WDR27: variants seen among roughly 807,000 people sequenced by gnomAD.
WDR27 encodes WD repeat-containing protein 27.
Under a neutral mutation model 114.4 loss-of-function variants are expected in WDR27, and 100 were observed. The ratio of observed to expected loss-of-function variants is 0.87; its 90% CI spans 0.74 to 1.03. WDR27 has a LOEUF of 1.03. Among genes scored for constraint, WDR27 ranks in the 50% least tolerant of loss-of-function variants. The pLI, the probability that WDR27 is intolerant of heterozygous loss-of-function variation, is 0.00. For synonymous variants in WDR27, 449 were observed against 423.1 expected (o/e 1.06, Z -0.75); for missense variants, 1,129 against 1,092.9 (o/e 1.03, Z -0.47).
chr6:169,527,195 C>A (rs1404165966), intron 25 of WDR27, among the ~76,000 whole-genome samples: 2 of 152,158 alleles, frequency 1.3e-5, no homozygotes, highest in Non-Finnish European at 2.9e-5. Flanking sequence ...GTAAATAAAT[C>A]TTCACAACAG....
intron 23 of WDR27, among the ~76,000 whole-genome samples, chr6:169,600,843 G>A (rs533872820): frequency 1.2e-3 from 190 of 152,282 alleles, no homozygotes; most frequent in Non-Finnish European, 2.3e-3. Context: ...TCTGATTGGT[G>A]TACCTGAAAG....
the WDR27 span, among the ~76,000 whole-genome samples, chr6:169,433,825 A>C: frequency 3.9e-5 from 6 of 152,162 alleles, no homozygotes; most frequent in Non-Finnish European, 1.5e-5. Flanking sequence ...TTTGATTTGC[A>C]TTTGTCTAAT....
intron 24 of WDR27, among the ~76,000 whole-genome samples, chr6:169,577,564 GC>G (rs1435845134): frequency 6.6e-6 from 1 of 152,150 alleles, no homozygotes; most frequent in East Asian, 1.9e-4. Context: ...GACGAACTCG[GC>G]CCCGAAGCAG....
chr6:169,628,514 A>G (rs893578359), intron 21 of WDR27, among the ~76,000 whole-genome samples: 9 of 152,186 alleles, frequency 5.9e-5, no homozygotes, highest in Non-Finnish European at 1.3e-4. Context: ...GAGGTAAAAC[A>G]AGTTTATTCA....
At chr6:169,484,445 C>T (rs1340352649) in intron 25 of WDR27, among the ~76,000 whole-genome samples, 1 of 152,026 alleles carries the variant, frequency 6.6e-6, no homozygotes, top group Admixed American at 6.6e-5. Flanking sequence ...GAATAAAATA[C>T]CTAGAAATAC....
rs778030455 is a variant in WDR27, at chr6:169,633,009, A to AG, written c.2160dup (p.Cys721LeufsTer21). 3 of 1,598,994 alleles carry AG rather than the reference A, an allele frequency of 1.9e-6. No homozygotes were observed. The highest frequency in any genetic ancestry group is 2.6e-6 in the Non-Finnish European group (3 of 1,167,722). On this transcript the variant is annotated frameshift_variant, in exon 21 of 26. Coordinates refer to ENST00000448612, the MANE Select transcript of WDR27 (RefSeq NM_182552.5). LOFTEE classifies it high-confidence loss of function. ...GCTTCCGCTATCACCGCTGCACTGCAGCCGGCGTTGAGGTCAAACACTTCC... is the reference window on the plus strand; with the variant it reads ...GCTTCCGCTATCACCGCTGCACTGCAGGCCGGCGTTGAGGTCAAACACTTCC...
intron 6 of WDR27, chr6:169,666,857 C>T: frequency 2.0e-6 from 2 of 985,478 alleles, no homozygotes; most frequent in Non-Finnish European, 2.4e-6. Context: ...TCCCTGGGTA[C>T]TCAGGCATTT....
chr6:169,508,597 G>A (rs1484448163), intron 25 of WDR27, among the ~76,000 whole-genome samples: 1 of 152,114 alleles, frequency 6.6e-6, no homozygotes, highest in South Asian at 2.1e-4. Context: ...TTGCACACAA[G>A]AATATTCTGA....
At chr6:169,484,728 A>T (rs1374066087) in intron 25 of WDR27, among the ~76,000 whole-genome samples, 1 of 152,232 alleles carries the variant, frequency 6.6e-6, no homozygotes, top group Non-Finnish European at 1.5e-5. Context: ...AATCCTAAGC[A>T]AAATGAACAA....
In WDR27 at chr6:169,702,007, G is replaced by T. The variant is rs950495288; in HGVS notation, c.-464C>A. On this transcript the variant is annotated 5_prime_UTR_variant, in exon 1 of 26. Transcript: ENST00000448612. Reference sequence around the variant, plus strand: ...TCGCCGCTATGGTTACTTGCCAGCCGACCCACGCGAGCCGCTATGGTTACT... The same window carrying T: ...TCGCCGCTATGGTTACTTGCCAGCCTACCCACGCGAGCCGCTATGGTTACT... 7 of 425,770 alleles carry T rather than the reference G, an allele frequency of 1.6e-5. 1 individual carries two copies. Among genetic ancestry groups the T allele is most frequent in the Admixed American group, 1.3e-4 (5 of 39,854 alleles). The allele number at this position is 425,770 out of a possible 1,614,324, so 26.4% of individuals were successfully genotyped here. A position where few individuals can be genotyped will look rare whatever the true frequency, so the allele number is the denominator to read the frequency against.
chr6:169,694,529 G>A (rs77725640), intron 1 of WDR27, among the ~76,000 whole-genome samples: 113 of 152,190 alleles, frequency 7.4e-4, no homozygotes, highest in African/African-American at 2.6e-3. Flanking sequence ...ATGTAGCAAC[G>A]GTTCTTACAT....
chr6:169,502,056 G>A (rs1003383037), intron 25 of WDR27, among the ~76,000 whole-genome samples: 1 of 152,184 alleles, frequency 6.6e-6, no homozygotes, highest in East Asian at 1.9e-4. Context: ...GAACGGAGCC[G>A]CACGCACCAC....
chr6:169,454,169 G>C (rs1784260644), downstream of WDR27, among the ~76,000 whole-genome samples: 1 of 152,214 alleles, frequency 6.6e-6, no homozygotes, highest in African/African-American at 2.4e-5. Flanking sequence ...AAAGAGAGGA[G>C]GCAGGATTTT....
In WDR27 at chr6:169,672,325, T is replaced by G. The variant is rs752011516; in HGVS notation, c.261A>C (p.Leu87=). The change falls in exon 3 of 26, where the codon CTA becomes CTC. Residue 87 remains leucine (L), a synonymous_variant. Transcript: ENST00000448612. ...MAFGNKVNPL[L]ICSASLDYVI... ...CATAATCCAGTGATGCTGAGCAGAT[T>G]AGAAGTGGGTTCACTTTATTTCCAA... The G allele has an allele frequency of 2.5e-5, 41 of 1,613,604 alleles. No individual in the cohort carries two copies. In the South Asian group the frequency reaches 4.2e-4, roughly 16 times the overall value.
intron 25 of WDR27, among the ~76,000 whole-genome samples, chr6:169,499,090 C>T (rs957861579): frequency 1.3e-5 from 2 of 152,224 alleles, no homozygotes; most frequent in Admixed American, 6.5e-5. Flanking sequence ...GACATGGAAA[C>T]GTCCTCATGT....
chr6:169,664,646 C>T, intron 7 of WDR27: 1 of 1,070,924 alleles, frequency 9.3e-7, no homozygotes, highest in Non-Finnish European at 1.1e-6. Flanking sequence ...GGTGAGAAGA[C>T]AAGGCAACAG....
chr6:169,586,028 T>C (rs1030346823), intron 23 of WDR27, among the ~76,000 whole-genome samples: 1 of 152,206 alleles, frequency 6.6e-6, no homozygotes, highest in Non-Finnish European at 1.5e-5. Context: ...ATCAAAAGCA[T>C]TGAGTCATCA....
At chr6:169,642,466 G>C (rs1296020530) in intron 17 of WDR27, among the ~76,000 whole-genome samples, 1 of 152,200 alleles carries the variant, frequency 6.6e-6, no homozygotes, top group African/African-American at 2.4e-5. Flanking sequence ...AGCCACGAAA[G>C]AGGCCGGCTC....
the WDR27 span, among the ~76,000 whole-genome samples, chr6:169,444,205 C>T: frequency 6.4e-4 from 97 of 152,296 alleles, no homozygotes; most frequent in Non-Finnish European, 9.6e-4. Flanking sequence ...AAAACTTACG[C>T]GCTCCTGGCC....
Sources: allele counts gnomAD v4.1 joint callset (sites outside exome capture counted in the v4.1 genomes callset), GRCh38; gene constraint gnomAD v4.1.1; transcripts MANE v1.5; gene names NCBI Gene and HGNC (gene_info 2026-07-23, HGNC 2026-07-21).